The following EPHA5 variants were observed in gnomAD, a reference collection of about 807,000 sequenced individuals.
EPHA5 encodes the protein EPH receptor A5, also known as ephrin type-A receptor 5.
Under a neutral mutation model 105.0 loss-of-function variants are expected in EPHA5, and 60 were observed. The ratio of observed to expected loss-of-function variants is 0.57; its 90% CI spans 0.46 to 0.71. EPHA5 has a LOEUF of 0.71. Ranked by LOEUF, EPHA5 falls within the 30% of genes least tolerant of loss-of-function variation. The pLI is 0.00. For missense variants in EPHA5, 1,218 were observed against 1,274.7 expected, an observed-to-expected ratio of 0.96 and a Z score of 0.68; for synonymous variants, 513 against 449.1, an observed-to-expected ratio of 1.14 and a Z score of -1.80.
intron 16 of EPHA5, among the ~76,000 whole-genome samples, chr4:65,326,123 T>C (rs1343880456): frequency 6.7e-6 from 1 of 150,238 alleles, no homozygotes; most frequent in Non-Finnish European, 1.5e-5. Context: ...TAGACACATA[T>C]AAATTGGTGA....
Position 65,522,316 on chromosome 4 carries a change from G to GTATATATATATATATA in EPHA5, c.911-26789_911-26774dup, listed in dbSNP as rs58851174. 3.4e-4 allele frequency among the ~76,000 whole-genome samples: 48 copies of GTATATATATATATATA among 142,862 alleles called. 1 individual carries two copies. The highest frequency in any genetic ancestry group is 1.1e-3 in the African/African-American group (42 of 37,368). 93.7% of individuals were successfully genotyped at this position (142,862 alleles called of 152,430 possible). A position where few individuals can be genotyped will look rare whatever the true frequency, so the allele number is the denominator to read the frequency against. The stretch of plus-strand genomic sequence containing the variant: ...GAAATATGTGTGTGTATATATATAT[G>GTATATATATATATATA]TATATATATATATATATAAAATCAA... On this transcript the variant is annotated intron_variant, in intron 3 of 16. Transcript: ENST00000613740.
At chr4:65,576,106 AAG>A (rs1306223124) in intron 3 of EPHA5, among the ~76,000 whole-genome samples, 1 of 71,508 alleles carries the variant, frequency 1.4e-5, no homozygotes, top group East Asian at 5.0e-4. Flanking sequence ...AAGAAAAGAA[AAG>A]AAAAGAAAAA....
intron 2 of EPHA5, among the ~76,000 whole-genome samples, chr4:65,642,722 G>T (rs1747770520): frequency 6.6e-6 from 1 of 151,636 alleles, no homozygotes; most frequent in Non-Finnish European, 1.5e-5. Flanking sequence ...GCCTCTTTAG[G>T]TTGTTATAAT....
At chr4:65,443,414 C>T (rs1219571271) in intron 5 of EPHA5, among the ~76,000 whole-genome samples, 1 of 151,298 alleles carries the variant, frequency 6.6e-6, no homozygotes, top group South Asian at 2.1e-4. Flanking sequence ...GTTGTTTATA[C>T]TGTTACTGCG....
intron 3 of EPHA5, among the ~76,000 whole-genome samples, chr4:65,593,412 A>G (rs28439890): frequency 0.061 from 9,330 of 152,204 alleles, 383 homozygotes; most frequent in Admixed American, 0.11. Flanking sequence ...AAGTATCCCA[A>G]TCTGTGAAAT....
intron 5 of EPHA5, among the ~76,000 whole-genome samples, chr4:65,473,076 C>T (rs1330653719): frequency 6.6e-6 from 1 of 152,178 alleles, no homozygotes; most frequent in Non-Finnish European, 1.5e-5. Context: ...AATCTCTTTG[C>T]TAAAGCATAG....
At chr4:65,489,534 G>A (rs1180098163) in intron 5 of EPHA5, among the ~76,000 whole-genome samples, 2 of 152,152 alleles carry the variant, frequency 1.3e-5, no homozygotes, top group Non-Finnish European at 2.9e-5. Context: ...TGGCTTTAAT[G>A]CCTTTTTCTT....
intron 5 of EPHA5, among the ~76,000 whole-genome samples, chr4:65,477,875 G>A (rs186163458): frequency 3.9e-4 from 60 of 152,250 alleles, no homozygotes; most frequent in Middle Eastern, 6.8e-3. Flanking sequence ...CATCACTATA[G>A]ATAGAAGGGA....
chr4:65,506,713 G>A (rs1382290215), intron 3 of EPHA5, among the ~76,000 whole-genome samples: 2 of 151,474 alleles, frequency 1.3e-5, no homozygotes, highest in African/African-American at 4.9e-5. Context: ...GCTTGTTGAT[G>A]GAGTTGTTTG....
intron 5 of EPHA5, among the ~76,000 whole-genome samples, chr4:65,470,115 A>G (rs1466949613): frequency 6.6e-6 from 1 of 152,052 alleles, no homozygotes; most frequent in Admixed American, 6.6e-5. Context: ...TAAAGTTAAT[A>G]CAATGTTGAG....
chr4:65,551,315 C>A (rs1222677702), intron 3 of EPHA5, among the ~76,000 whole-genome samples: 2 of 146,434 alleles, frequency 1.4e-5, no homozygotes, highest in Middle Eastern at 3.6e-3. Flanking sequence ...GTCAGCATAT[C>A]ATTTATTATC....
At chr4:65,554,537 C>T (rs1188619182) in intron 3 of EPHA5, among the ~76,000 whole-genome samples, 1 of 150,886 alleles carries the variant, frequency 6.6e-6, no homozygotes, top group Non-Finnish European at 1.5e-5. Flanking sequence ...GTTTTAAAAA[C>T]AAAAATATAA....
Position 65,353,577 on chromosome 4 carries a change from G to T in EPHA5, c.2174-474C>A, listed in dbSNP as rs191397482. Among the ~76,000 whole-genome samples the T allele has an allele frequency of 2.0e-5, 3 of 150,894 alleles. No individual in the cohort carries two copies. In the Admixed American group the frequency reaches 2.0e-4, roughly 10 times the overall value. ...TAATTTATGTAGGAAATGTGTTTAA[G>T]AATAATTCTATGAGTATTAGGATAA... On this transcript the variant is annotated intron_variant, in intron 11 of 16. Transcript: ENST00000613740.
At chr4:65,364,734 TA>T (rs5858957) in intron 11 of EPHA5, among the ~76,000 whole-genome samples, 14,318 of 150,458 alleles carry the variant, frequency 0.095, 746 homozygotes, top group Middle Eastern at 0.13. Context: ...AGCCAATAGT[TA>T]AAAAAAAAGT....
intron 3 of EPHA5, among the ~76,000 whole-genome samples, chr4:65,524,892 C>T (rs922750057): frequency 6.6e-6 from 1 of 151,616 alleles, no homozygotes; most frequent in Non-Finnish European, 1.5e-5. Flanking sequence ...GGATGGGCTC[C>T]TGAGTTTTGT....
intron 3 of EPHA5, among the ~76,000 whole-genome samples, chr4:65,531,962 G>A (rs532781551): frequency 2.0e-5 from 3 of 152,232 alleles, no homozygotes; most frequent in South Asian, 4.1e-4. Flanking sequence ...ATGTGTATAC[G>A]AGGCTTAATA....
chr4:65,344,765 G>C (rs940805207), intron 14 of EPHA5, among the ~76,000 whole-genome samples: 2 of 152,148 alleles, frequency 1.3e-5, no homozygotes, highest in Non-Finnish European at 2.9e-5. Flanking sequence ...CTGAAGAATA[G>C]AAAGTAGTAA....
intron 8 of EPHA5, among the ~76,000 whole-genome samples, chr4:65,393,106 C>T (rs190891440): frequency 1.6e-4 from 25 of 152,228 alleles, no homozygotes; most frequent in African/African-American, 5.5e-4. Flanking sequence ...TAAGACTTCA[C>T]ATGTCAGTAA....
At chr4:65,428,328 A>C (rs1445163834) in intron 5 of EPHA5, among the ~76,000 whole-genome samples, 1 of 152,104 alleles carries the variant, frequency 6.6e-6, no homozygotes, top group Non-Finnish European at 1.5e-5. Context: ...ATACTTACAT[A>C]CTTAGTATAT....
Sources: gnomAD v4.1 joint callset for allele counts (sites outside exome capture counted in the v4.1 genomes callset) on GRCh38, gnomAD v4.1.1 for gene constraint, MANE v1.5 for transcripts, NCBI Gene and HGNC (gene_info 2026-07-23, HGNC 2026-07-21) for gene names.